The following TMEFF2 variants were observed in gnomAD, a reference collection of about 807,000 sequenced individuals.
The protein encoded by TMEFF2 is tomoregulin-2.
TMEFF2 carries 28 observed loss-of-function variants against 53.8 expected under a neutral mutation model. The ratio of observed to expected loss-of-function variants is 0.52; its 90% CI spans 0.39 to 0.71. The LOEUF is 0.71. TMEFF2 is among the 30% of genes least tolerant of loss of function. The probability of loss-of-function intolerance (pLI) is 0.00; values close to 1 mark genes in which losing one functional copy is unlikely to be tolerated. For missense variants in TMEFF2, 353 were observed against 455.2 expected (o/e 0.78, Z 2.04); for synonymous variants, 162 against 166.3 (o/e 0.97, Z 0.20).
chr2:192,118,634 G>A lies in TMEFF2; in HGVS notation c.440-60859C>T, dbSNP rs16834222. Among the ~76,000 whole-genome samples, 854 of 152,196 alleles carry A rather than the reference G, an allele frequency of 5.6e-3. 8 individuals carry two copies. The highest frequency in any genetic ancestry group is 0.019 in the African/African-American group (803 of 41,538). On this transcript the variant is annotated intron_variant, in intron 4 of 9. Coordinates refer to ENST00000272771, the MANE Select transcript of TMEFF2 (RefSeq NM_016192.4). ...TGTATTCAGCACACCTAAATATGAA[G>A]GCAGTTTTCAGCTTTTAAAAAATTA...
intron 7 of TMEFF2, among the ~76,000 whole-genome samples, chr2:191,985,927 C>G (rs1463974207): frequency 1.3e-5 from 2 of 152,164 alleles, no homozygotes; most frequent in Non-Finnish European, 2.9e-5. Context: ...TTGCACATTC[C>G]TGTCCTTCCC....
At chr2:191,951,867 G>T (rs1238024787) in intron 9 of TMEFF2, among the ~76,000 whole-genome samples, 1 of 151,942 alleles carries the variant, frequency 6.6e-6, no homozygotes, top group African/African-American at 2.4e-5. Context: ...TTGAGGACAG[G>T]TTTTATTTTA....
chr2:192,093,615 G>A (rs905189244), intron 4 of TMEFF2, among the ~76,000 whole-genome samples: 3 of 152,066 alleles, frequency 2.0e-5, no homozygotes, highest in African/African-American at 7.2e-5. Context: ...CTTTGAAGTT[G>A]CTGAATGAGA....
chr2:192,157,752 T>A (rs1311521751), intron 4 of TMEFF2, among the ~76,000 whole-genome samples: 2 of 152,010 alleles, frequency 1.3e-5, no homozygotes, highest in Admixed American at 6.6e-5. Flanking sequence ...AAAGATAAAA[T>A]CTTTGATAAT....
At position 191,977,684 on chromosome 2, in the gene TMEFF2, T is replaced by C. The variant is rs571517391; in HGVS notation, c.745+20578A>G. On this transcript the variant is annotated intron_variant, in intron 7 of 9. Coordinates refer to ENST00000272771, the MANE Select transcript of TMEFF2 (RefSeq NM_016192.4). ...AGGTCATTTCTCAAACTAAAGGCAATATTAAAATTGTAATTTGAATTACTT... is the reference window on the plus strand; with the variant it reads ...AGGTCATTTCTCAAACTAAAGGCAACATTAAAATTGTAATTTGAATTACTT... Among the ~76,000 whole-genome samples the C allele has an allele frequency of 2.6e-4, 40 of 152,322 alleles. No homozygotes were observed. The South Asian group carries it at 8.3e-3, about 32-fold the overall frequency.
chr2:192,099,200 CA>C, intron 4 of TMEFF2, among the ~76,000 whole-genome samples: 1 of 152,114 alleles, frequency 6.6e-6, no homozygotes, highest in South Asian at 2.1e-4. Flanking sequence ...TTATAGTAAA[CA>C]AAATGTTATT....
chr2:192,150,836 A>AC (rs1559147730), intron 4 of TMEFF2, among the ~76,000 whole-genome samples: 1 of 150,816 alleles, frequency 6.6e-6, no homozygotes, highest in Non-Finnish European at 1.5e-5. Flanking sequence ...TCAAGTTTAC[A>AC]TTTTCATTCT....
intron 4 of TMEFF2, among the ~76,000 whole-genome samples, chr2:192,105,416 G>A (rs1352013194): frequency 6.6e-5 from 10 of 151,828 alleles, no homozygotes; most frequent in Non-Finnish European, 1.5e-4. Context: ...ATTTTGTGAA[G>A]ACATTCTAGT....
intron 4 of TMEFF2, among the ~76,000 whole-genome samples, chr2:192,140,803 C>G (rs1159744358): frequency 6.6e-6 from 1 of 151,996 alleles, no homozygotes; most frequent in Non-Finnish European, 1.5e-5. Context: ...GGAAAAACAC[C>G]ATGTCATGAA....
chr2:192,072,747 T>A (rs1382838822), intron 4 of TMEFF2, among the ~76,000 whole-genome samples: 1 of 151,964 alleles, frequency 6.6e-6, no homozygotes, highest in Non-Finnish European at 1.5e-5. Context: ...TACGGGATTA[T>A]ATGGATGTAC....
chr2:192,122,657 T>C (rs55896585), intron 4 of TMEFF2, among the ~76,000 whole-genome samples: 1 of 152,194 alleles, frequency 6.6e-6, no homozygotes, highest in Non-Finnish European at 1.5e-5. Flanking sequence ...ATCTGCTTGG[T>C]CCAAAGACTA....
At chr2:192,179,810 A>G (rs1691142381) in intron 3 of TMEFF2, 116 bp from the exon 4 acceptor site, 1 of 841,396 alleles carries the variant, frequency 1.2e-6, no homozygotes, top group South Asian at 3.0e-5. Context: ...TGAGAAAAAT[A>G]CTAATATTTA....
chr2:192,000,905 G>A (rs764308217), intron 5 of TMEFF2, among the ~76,000 whole-genome samples: 1 of 152,124 alleles, frequency 6.6e-6, no homozygotes, highest in Non-Finnish European at 1.5e-5. Context: ...TCCTACCTTA[G>A]CTTTGATGTT....
intron 5 of TMEFF2, among the ~76,000 whole-genome samples, chr2:192,012,770 TACAG>T (rs1483762679): frequency 6.6e-6 from 1 of 152,156 alleles, no homozygotes; most frequent in African/African-American, 2.4e-5. Flanking sequence ...ACTCATAGAT[TACAG>T]AGTCACTTGG....
At chr2:191,989,230 A>T (rs1686049210) in intron 7 of TMEFF2, among the ~76,000 whole-genome samples, 1 of 152,190 alleles carries the variant, frequency 6.6e-6, no homozygotes, top group Non-Finnish European at 1.5e-5. Context: ...CCGTGAAACC[A>T]GGCCTCAATT....
At position 192,046,728 on chromosome 2, in the gene TMEFF2, G is replaced by A. The variant is rs537387865; in HGVS notation, c.536+10951C>T. 2.6e-5 allele frequency among the ~76,000 whole-genome samples: 4 copies of A among 152,182 alleles called. No homozygotes were observed. The South Asian group carries it at 8.3e-4, about 32-fold the overall frequency. On this transcript the variant is annotated intron_variant, in intron 5 of 9. Transcript: ENST00000272771. ...ACCACCCAGTGTAGCTGTAATGCAA[G>A]CAGTTCTGTTGTGTTTTCTTTTTCC...
At chr2:192,118,625 A>G (rs1010379746) in intron 4 of TMEFF2, among the ~76,000 whole-genome samples, 1 of 152,184 alleles carries the variant, frequency 6.6e-6, no homozygotes, top group Non-Finnish European at 1.5e-5. Flanking sequence ...CAGCACACCT[A>G]AATATGAAGG....
At chr2:192,037,273 TAAAGAAAGAAAGAAAGAAAG>T (rs58233148) in intron 5 of TMEFF2, among the ~76,000 whole-genome samples, 2,426 of 94,750 alleles carry the variant, frequency 0.026, 124 homozygotes, top group African/African-American at 0.097. Context: ...CTAGCCAAAA[TAAAGAAAGAAAGAAAGAAAG>T]AAAGAAAGAA....
intron 5 of TMEFF2, among the ~76,000 whole-genome samples, chr2:192,018,050 C>G (rs529185005): frequency 6.6e-6 from 1 of 152,114 alleles, no homozygotes; most frequent in Non-Finnish European, 1.5e-5. Context: ...AGATAACAAG[C>G]CTTTGGCTTG....
Sources: gnomAD v4.1 joint callset for allele counts (sites outside exome capture counted in the v4.1 genomes callset) on GRCh38, gnomAD v4.1.1 for gene constraint, MANE v1.5 for transcripts, NCBI Gene and HGNC (gene_info 2026-07-23, HGNC 2026-07-21) for gene names.